Variants in MUC20 observed in about 807,000 individuals in gnomAD.
MUC20 encodes mucin 20, cell surface associated, also known as mucin-20.
Under a neutral mutation model 23.8 loss-of-function variants are expected in MUC20, and 14 were observed. The observed-to-expected ratio is 0.59, with a 90% confidence interval of 0.39 to 0.92. The LOEUF (loss-of-function observed/expected upper bound fraction) is 0.92, where lower values mean the gene tolerates loss of function less well. Ranked by LOEUF, MUC20 falls within the 40% of genes least tolerant of loss-of-function variation. The pLI is 0.00. For missense variants in MUC20, 375 were observed against 668.8 expected, an observed-to-expected ratio of 0.56 and a Z score of 4.85; for synonymous variants, 166 against 279.3, an observed-to-expected ratio of 0.59 and a Z score of 4.04.
intron 3 of MUC20, among the ~76,000 whole-genome samples, chr3:195,731,094 C>T (rs1006404105): frequency 6.6e-6 from 1 of 152,242 alleles, no homozygotes; most frequent in African/African-American, 2.4e-5. Context: ...GCCCAGTGCA[C>T]AGTCTAATGT....
intron 3 of MUC20, 186 bp downstream of exon 3, chr3:195,729,925 G>T: frequency 4.7e-6 from 3 of 632,942 alleles, no homozygotes; most frequent in African/African-American, 1.8e-5. Flanking sequence ...CCTTCTCCGA[G>T]TTCTTCATTT....
rs1473153842 is a variant in MUC20 at position 195,721,018 on chromosome 3, T to C, written c.11T>C (p.Leu4Pro). Reference sequence around the variant, plus strand: ...CGGTGGCCGGCTAGGATGGGCTGTCTCTGGGGTCTGGCTCTGCCCCTTTTC... The same window carrying C: ...CGGTGGCCGGCTAGGATGGGCTGTCCCTGGGGTCTGGCTCTGCCCCTTTTC... MGC[L>P]WGLALPLFFF... Residue 4 changes from leucine to proline, a missense_variant, in exon 1 of 4, where the codon CTC (leucine) becomes CCC (proline). Physicochemically the swap from Leu to Pro is moderately conservative, Grantham distance 98. Transcript: ENST00000447234. The C allele has an allele frequency of 1.9e-6, 3 of 1,584,328 alleles. No homozygotes were observed. Among genetic ancestry groups the C allele is most frequent in the Middle Eastern group, 3.4e-4 (2 of 5,962 alleles).
chr3:195,728,070 A>G (rs2688544), intron 2 of MUC20, among the ~76,000 whole-genome samples: 111,173 of 151,258 alleles, frequency 0.73, 37,492 homozygotes, highest in African/African-American at 0.84. Flanking sequence ...TGACAGGGTT[A>G]AAGATGGTAG....
chr3:195,727,485 T>A (rs986416194), intron 2 of MUC20, among the ~76,000 whole-genome samples: 4 of 152,288 alleles, frequency 2.6e-5, no homozygotes, highest in African/African-American at 9.6e-5. Context: ...CAGAGGCTGC[T>A]TGGTCAGTCC....
intron 3 of MUC20, among the ~76,000 whole-genome samples, chr3:195,730,798 T>TTAA (rs1257545479): frequency 3.3e-5 from 5 of 152,190 alleles, no homozygotes; most frequent in African/African-American, 1.2e-4. Flanking sequence ...ACCGCAGAGA[T>TTAA]GTATACTCTA....
chr3:195,729,415 C>T (rs1462763631), intron 2 of MUC20: 5 of 472,056 alleles, frequency 1.1e-5, no homozygotes, highest in Non-Finnish European at 1.9e-5. Context: ...CTCCCAGGTT[C>T]AGGCGATTCT....
rs201258915 is a variant in MUC20 at position 195,724,291 on chromosome 3, T to C, written c.77-389T>C. 5 of 293,216 alleles carry C rather than the reference T, an allele frequency of 1.7e-5. No homozygotes were observed. The Admixed American group carries it at 2.8e-4, about 16-fold the overall frequency. The allele number at this position is 293,216 out of a possible 1,614,324, so 18.2% of individuals were successfully genotyped here. The stretch of plus-strand genomic sequence containing the variant: ...AACTATGTGTTGGATGAGAAAAGTA[T>C]CCGGGGAAGGGGACAGAGGTTCAGA... On this transcript the variant is annotated intron_variant, in intron 1 of 3. Coordinates refer to ENST00000447234, the MANE Select transcript of MUC20 (RefSeq NM_001282506.2).
At chr3:195,727,967 T>C (rs1712886369) in intron 2 of MUC20, among the ~76,000 whole-genome samples, 1 of 143,152 alleles carries the variant, frequency 7.0e-6, no homozygotes, top group South Asian at 2.1e-4. Flanking sequence ...GCATATGTTA[T>C]GATGCCAGGC....
intron 3 of MUC20, among the ~76,000 whole-genome samples, chr3:195,730,588 G>A (rs2148707773): frequency 6.6e-6 from 1 of 152,188 alleles, no homozygotes; most frequent in South Asian, 2.1e-4. Context: ...CTGACCTCGT[G>A]ATCCACCCGT....
chr3:195,726,466 G>A lies in MUC20; in HGVS notation c.1863G>A (p.Thr621=), dbSNP rs372141463. Reference sequence around the variant, plus strand: ...CTACAACCAACAGCAGCCGAGGGACGAACAGCACCTTAGCCAAGATCACAA... The same window carrying A: ...CTACAACCAACAGCAGCCGAGGGACAAACAGCACCTTAGCCAAGATCACAA... ...PPTTTNSSRG[T]NSTLAKITTS... Residue 621 remains threonine (T), a synonymous_variant, in exon 2 of 4, where the codon ACG becomes ACA. Coordinates refer to ENST00000447234, the MANE Select transcript of MUC20 (RefSeq NM_001282506.2). 1.5e-5 allele frequency: 24 copies of A among 1,613,914 alleles called. No homozygotes were observed. The highest frequency in any genetic ancestry group is 6.7e-5 in the Admixed American group (4 of 60,016).
intron 3 of MUC20, 29 bp from the exon 4 acceptor site, chr3:195,733,121 A>G: frequency 6.4e-7 from 1 of 1,568,494 alleles, no homozygotes; most frequent in Non-Finnish European, 8.6e-7. Context: ...AGATGGGCTG[A>G]AAGGACAGCT....
chr3:195,729,371 T>C (rs1431842970), intron 2 of MUC20: 3 of 387,152 alleles, frequency 7.7e-6, no homozygotes, highest in South Asian at 8.1e-5. Context: ...GGTTGGAGTG[T>C]AGTGCTGCGA....
At chr3:195,727,398 C>T (rs1334561268) in intron 2 of MUC20, among the ~76,000 whole-genome samples, 2 of 152,246 alleles carry the variant, frequency 1.3e-5, no homozygotes, top group Non-Finnish European at 2.9e-5. Context: ...ATAAAATAAG[C>T]AAATACAGCG....
rs1330909730 is a variant in MUC20 at position 195,733,359 on chromosome 3, G to A, written c.*141G>A. On this transcript the variant is annotated 3_prime_UTR_variant, in exon 4 of 4. Coordinates refer to ENST00000447234, the MANE Select transcript of MUC20 (RefSeq NM_001282506.2). ...TTCCCATGAAGGGCAGCATGTCCAA[G>A]CCCCTGACCCCAGATGTGGCAACAG... 2 of 1,494,484 alleles carry A rather than the reference G, an allele frequency of 1.3e-6. No individual in the cohort carries two copies. The highest frequency in any genetic ancestry group is 1.8e-6 in the Non-Finnish European group (2 of 1,119,916). 92.6% of individuals were successfully genotyped at this position (1,494,484 alleles called of 1,614,324 possible).
At chr3:195,728,401 A>T (rs369747803) in intron 2 of MUC20, among the ~76,000 whole-genome samples, 16 of 152,286 alleles carry the variant, frequency 1.1e-4, no homozygotes, top group Non-Finnish European at 1.9e-4. Flanking sequence ...AGTTCAAGGG[A>T]AGATACTATG....
intron 3 of MUC20, among the ~76,000 whole-genome samples, chr3:195,731,975 CTTTTGTTTTGTTTTGTTTTGTTTTG>C (rs57899187): frequency 0.36 from 54,144 of 151,038 alleles, 7,699 homozygotes; most frequent in East Asian, 0.72. Context: ...AAGCCAATTG[CTTTTGTTTTGTTTTGTTTTGTTTTG>C]TTTTGTTTTG....
In MUC20 at chr3:195,729,773, G is replaced by C. The variant is rs1300746006; in HGVS notation, c.2061+34G>C. 3.8e-6 allele frequency: 6 copies of C among 1,563,088 alleles called. No individual in the cohort carries two copies. The South Asian group carries it at 7.0e-5, about 18-fold the overall frequency. ...GCACTTTCCGGGCCAGGGGAGTAGA[G>C]GAAGGGGCGAGGTTCGCAGGGGCTG... is the stretch of plus-strand genomic sequence containing the variant. On this transcript the variant is annotated intron_variant, in intron 3 of 3. Transcript: ENST00000447234.
At chr3:195,726,692 T>G (rs1371615579) in intron 2 of MUC20, 120 bp downstream of exon 2, 2 of 1,193,986 alleles carry the variant, frequency 1.7e-6, no homozygotes, top group African/African-American at 3.0e-5. Context: ...CTGCTCCTGA[T>G]GTTGCCTCTT....
Position 195,729,754 on chromosome 3 carries a change from T to A in MUC20, c.2061+15T>A. The A allele has an allele frequency of 6.3e-7, 1 of 1,582,810 alleles. No individual in the cohort carries two copies. Among genetic ancestry groups the A allele is most frequent in the South Asian group, 1.2e-5 (1 of 86,732 alleles). ...TGATGCAGCAGGTGAGTGGGCACTT[T>A]CCGGGCCAGGGGAGTAGAGGAAGGG... On this transcript the variant is annotated intron_variant, in intron 3 of 3. Transcript: ENST00000447234.
Sources: allele counts gnomAD v4.1 joint callset (sites outside exome capture counted in the v4.1 genomes callset), GRCh38; gene constraint gnomAD v4.1.1; transcripts MANE v1.5; gene names NCBI Gene and HGNC (gene_info 2026-07-23, HGNC 2026-07-21).